Variants in RANBP2 observed in about 807,000 individuals in gnomAD.
RANBP2 encodes RAN binding protein 2, also known as E3 SUMO-protein ligase RanBP2.
RANBP2 carries 57 observed loss-of-function variants against 303.6 expected under a neutral mutation model. That is an observed-to-expected ratio of 0.19 (90% CI 0.15 to 0.23). The LOEUF (loss-of-function observed/expected upper bound fraction) is 0.23, where lower values mean the gene tolerates loss of function less well. Among genes scored for constraint, RANBP2 ranks in the 10% least tolerant of loss-of-function variants. The pLI is 1.00. For synonymous variants in RANBP2, 1,167 were observed against 1,301.5 expected (o/e 0.90, Z 2.23); for missense variants, 3,138 against 3,780.8 (o/e 0.83, Z 4.46).
the RANBP2 span, chr2:108,906,334 T>C: frequency 1.2e-6 from 2 of 1,614,174 alleles, no homozygotes; most frequent in Non-Finnish European, 1.7e-6. Context: ...CACGTTGGCA[T>C]ACACATCGAG....
At chr2:109,614,384 C>G in the RANBP2 span, 1 of 912,074 alleles carries the variant, frequency 1.1e-6, no homozygotes, top group Non-Finnish European at 1.4e-6. Context: ...GCTGGCAGCC[C>G]GCTGAGCCCG....
chr2:109,244,329 T>C, the RANBP2 span, among the ~76,000 whole-genome samples: 3 of 152,072 alleles, frequency 2.0e-5, no homozygotes, highest in Non-Finnish European at 4.4e-5. Flanking sequence ...TAGGAGCAGG[T>C]GAGAAAAGTG....
chr2:109,264,995 T>G, the RANBP2 span, among the ~76,000 whole-genome samples: 1 of 152,232 alleles, frequency 6.6e-6, no homozygotes, highest in Non-Finnish European at 1.5e-5. Context: ...AGCCGCATGC[T>G]CTGTCTTAGA....
At chr2:109,305,860 C>G in the RANBP2 span, among the ~76,000 whole-genome samples, 4 of 152,256 alleles carry the variant, frequency 2.6e-5, no homozygotes, top group Non-Finnish European at 5.9e-5. Flanking sequence ...GAGAAGAAAG[C>G]AATCCACGCA....
the RANBP2 span, among the ~76,000 whole-genome samples, chr2:109,316,807 C>T: frequency 6.6e-6 from 1 of 152,196 alleles, no homozygotes; most frequent in Admixed American, 6.5e-5. Context: ...ATCTGGTTAT[C>T]CCTCCCTGGC....
At chr2:109,367,162 C>T in the RANBP2 span, among the ~76,000 whole-genome samples, 2 of 142,952 alleles carry the variant, frequency 1.4e-5, no homozygotes, top group Non-Finnish European at 1.5e-5. Context: ...CAGGGTTTTG[C>T]CATGTTGGCC....
the RANBP2 span, chr2:109,127,231 A>G: frequency 6.6e-6 from 1 of 152,348 alleles, no homozygotes; most frequent in African/African-American, 2.4e-5. Flanking sequence ...AGCACAGGAT[A>G]TGTGTAATTG....
chr2:109,529,438 G>A, the RANBP2 span, among the ~76,000 whole-genome samples: 1 of 152,178 alleles, frequency 6.6e-6, no homozygotes, highest in South Asian at 2.1e-4. Flanking sequence ...GGTGGGGGCA[G>A]GGGAGAAGCT....
At chr2:109,033,344 C>T in the RANBP2 span, among the ~76,000 whole-genome samples, 1 of 152,168 alleles carries the variant, frequency 6.6e-6, no homozygotes, top group Non-Finnish European at 1.5e-5. Flanking sequence ...AGTGTGCCCT[C>T]GGAAGCAGAG....
chr2:109,180,412 G>A, the RANBP2 span, among the ~76,000 whole-genome samples: 4 of 152,184 alleles, frequency 2.6e-5, no homozygotes, highest in Admixed American at 1.3e-4. Context: ...GAGGCCATTA[G>A]CTAGCCAATG....
At chr2:108,809,997 G>T in the RANBP2 span, among the ~76,000 whole-genome samples, 1 of 152,190 alleles carries the variant, frequency 6.6e-6, no homozygotes, top group African/African-American at 2.4e-5. Context: ...GTAGAGACGG[G>T]GTTTTGCTGT....
At chr2:109,671,587 C>A in the RANBP2 span, among the ~76,000 whole-genome samples, 1 of 152,122 alleles carries the variant, frequency 6.6e-6, no homozygotes, top group Non-Finnish European at 1.5e-5. Flanking sequence ...CCTGCTGGTG[C>A]CTGAACCAGG....
chr2:109,255,339 A>G, the RANBP2 span, among the ~76,000 whole-genome samples: 1 of 152,224 alleles, frequency 6.6e-6, no homozygotes, highest in Non-Finnish European at 1.5e-5. Context: ...AAGCTACTCT[A>G]AGAATACAGA....
the RANBP2 span, chr2:108,791,897 A>C: frequency 8.0e-7 from 1 of 1,253,794 alleles, no homozygotes; most frequent in Non-Finnish European, 1.1e-6. Flanking sequence ...GGCCCCCAAG[A>C]GTTTGCATAT....
chr2:108,726,734 A>G (rs1024868861), intron 1 of RANBP2, among the ~76,000 whole-genome samples: 1 of 151,480 alleles, frequency 6.6e-6, no homozygotes, highest in African/African-American at 2.4e-5. Context: ...CAGCAGATAA[A>G]CAAGTGAACA....
the RANBP2 span, among the ~76,000 whole-genome samples, chr2:109,604,294 G>A: frequency 6.9e-6 from 1 of 144,204 alleles, no homozygotes; most frequent in Admixed American, 7.2e-5. Flanking sequence ...CAGTGGTTGA[G>A]ACTGCGCCAC....
chr2:109,408,895 C>T, the RANBP2 span, among the ~76,000 whole-genome samples: 3 of 152,170 alleles, frequency 2.0e-5, no homozygotes, highest in South Asian at 6.2e-4. Flanking sequence ...TCAGAGGCAA[C>T]AGGCGAGTGA....
the RANBP2 span, among the ~76,000 whole-genome samples, chr2:109,655,714 T>C: frequency 6.6e-6 from 1 of 152,170 alleles, no homozygotes; most frequent in Non-Finnish European, 1.5e-5. Flanking sequence ...GAACTGTTTG[T>C]GTGGTCTCTC....
the RANBP2 span, among the ~76,000 whole-genome samples, chr2:108,798,877 A>T: frequency 6.6e-6 from 1 of 151,254 alleles, no homozygotes; most frequent in East Asian, 2.0e-4. Flanking sequence ...ATTTGAAAGC[A>T]GTTTGTAAAA....
Sources: gnomAD v4.1 joint callset for allele counts (sites outside exome capture counted in the v4.1 genomes callset) on GRCh38, gnomAD v4.1.1 for gene constraint, MANE v1.5 for transcripts, NCBI Gene and HGNC (gene_info 2026-07-23, HGNC 2026-07-21) for gene names.